SEMA4F: variants seen among roughly 807,000 people sequenced by gnomAD.
SEMA4F encodes semaphorin-4F.
Under a neutral mutation model 78.4 loss-of-function variants are expected in SEMA4F, and 51 were observed. That is an observed-to-expected ratio of 0.65 (90% CI 0.52 to 0.82). The LOEUF (loss-of-function observed/expected upper bound fraction) is 0.82. Ranked by LOEUF, SEMA4F falls within the 40% of genes least tolerant of loss-of-function variation. The pLI is 0.00. For missense variants in SEMA4F, 938 were observed against 1,014.4 expected, an observed-to-expected ratio of 0.92 and a Z score of 1.02; for synonymous variants, 418 against 408.7, an observed-to-expected ratio of 1.02 and a Z score of -0.27.
chr2:74,688,250 C>T (rs141748462), downstream of SEMA4F, among the ~76,000 whole-genome samples: 6 of 152,276 alleles, frequency 3.9e-5, no homozygotes, highest in African/African-American at 1.2e-4. Context: ...GATCAACTTC[C>T]GAGAACTGGG....
intron 5 of SEMA4F, among the ~76,000 whole-genome samples, chr2:74,667,532 T>G (rs985029640): frequency 6.6e-6 from 1 of 152,236 alleles, no homozygotes; most frequent in African/African-American, 2.4e-5. Context: ...TTAGTGAGGT[T>G]GAACAATTTT....
At chr2:74,662,592 A>G (rs909714510) in intron 4 of SEMA4F, 140 bp from the exon 5 acceptor site, 14 of 727,576 alleles carry the variant, frequency 1.9e-5, no homozygotes, top group Non-Finnish European at 3.3e-5. Context: ...GACTGGTAAT[A>G]TGGGGATGAT....
chr2:74,660,584 A>G (rs1268820060), intron 4 of SEMA4F, among the ~76,000 whole-genome samples: 1 of 152,270 alleles, frequency 6.6e-6, no homozygotes, highest in Non-Finnish European at 1.5e-5. Context: ...GACTAACACA[A>G]TGATGATACA....
intron 5 of SEMA4F, among the ~76,000 whole-genome samples, chr2:74,670,141 C>T (rs1485460038): frequency 6.6e-6 from 1 of 152,132 alleles, no homozygotes; most frequent in Non-Finnish European, 1.5e-5. Flanking sequence ...ATTTGCCAAA[C>T]AGTTGTATGG....
At chr2:74,659,370 G>A (rs138502001) in intron 4 of SEMA4F, among the ~76,000 whole-genome samples, 1 of 152,304 alleles carries the variant, frequency 6.6e-6, no homozygotes, top group Non-Finnish European at 1.5e-5. Context: ...GTTTCTCTGA[G>A]GTGGGACTCT....
chr2:74,675,721 A>G (rs1685240692), intron 11 of SEMA4F, 28 bp from the exon 12 acceptor site: 2 of 1,613,660 alleles, frequency 1.2e-6, no homozygotes, highest in Non-Finnish European at 1.7e-6. Context: ...GATCCAGTGT[A>G]TTCCCCTTCC....
chr2:74,678,980 TTC>T (rs1349999469), intron 12 of SEMA4F, among the ~76,000 whole-genome samples: 2 of 152,212 alleles, frequency 1.3e-5, no homozygotes, highest in African/African-American at 4.8e-5. Flanking sequence ...TCTTAGAAGA[TTC>T]TGTTTCTTTT....
the SEMA4F span, among the ~76,000 whole-genome samples, chr2:74,699,690 A>G: frequency 6.6e-5 from 10 of 152,318 alleles, no homozygotes; most frequent in African/African-American, 2.4e-4. Flanking sequence ...GGAGGAGCAT[A>G]CAAGAGACAT....
In SEMA4F at chr2:74,677,143, CCA is replaced by C. The variant is rs574878255; in HGVS notation, c.1643+1236_1643+1237del. ...TCTGGAACTCCTGACCTCAAGCAAT[CCA>C]CTTGCCTTGGCCTCCCAAAGTGCTG... On this transcript the variant is annotated intron_variant, in intron 12 of 13. Coordinates refer to ENST00000357877, the MANE Select transcript of SEMA4F (RefSeq NM_004263.5). Among the ~76,000 whole-genome samples the C allele has an allele frequency of 5.4e-3, 822 of 152,286 alleles. 9 individuals are homozygous for C. Among genetic ancestry groups the C allele is most frequent in the African/African-American group, 0.019 (798 of 41,550 alleles).
At position 74,658,755 on chromosome 2, in the gene SEMA4F, C is replaced by T. The variant is rs921408385; in HGVS notation, c.456+804C>T. 2.6e-4 allele frequency among the ~76,000 whole-genome samples: 39 copies of T among 152,224 alleles called. No individual in the cohort carries two copies. The highest frequency in any genetic ancestry group is 6.5e-4 in the African/African-American group (27 of 41,460). On this transcript the variant is annotated intron_variant, in intron 4 of 13. Coordinates refer to ENST00000357877, the MANE Select transcript of SEMA4F (RefSeq NM_004263.5). The surrounding 1 kb of genome is among the most constrained non-coding windows in gnomAD (Gnocchi z 4.3). ...GCTCACATTTGTGACAAGCCCCTGGCGTGAGTCAGAAGCCTCACATATCCT... is the reference window on the plus strand; with the variant it reads ...GCTCACATTTGTGACAAGCCCCTGGTGTGAGTCAGAAGCCTCACATATCCT...
intron 1 of SEMA4F, among the ~76,000 whole-genome samples, 190 bp downstream of exon 1, chr2:74,654,711 G>A (rs182738007): frequency 6.6e-6 from 1 of 151,786 alleles, no homozygotes; most frequent in African/African-American, 2.4e-5. Flanking sequence ...TCCCTCCCGC[G>A]CCCCTCAGCC....
At chr2:74,665,621 C>G (rs1350245255) in intron 5 of SEMA4F, among the ~76,000 whole-genome samples, 1 of 152,108 alleles carries the variant, frequency 6.6e-6, no homozygotes, top group Non-Finnish European at 1.5e-5. Flanking sequence ...TATATATTGA[C>G]TAAATACAAT....
At chr2:74,668,674 G>C (rs1684819818) in intron 5 of SEMA4F, among the ~76,000 whole-genome samples, 1 of 150,602 alleles carries the variant, frequency 6.6e-6, no homozygotes, top group Admixed American at 6.6e-5. Context: ...GCAGTGGCGT[G>C]ATCTTGGCTC....
At position 74,665,680 on chromosome 2, in the gene SEMA4F, C is replaced by T. The variant is rs182619772; in HGVS notation, c.550+2855C>T. The stretch of plus-strand genomic sequence containing the variant: ...TTATCTATTGTTGAAATTGATGAGA[C>T]CTTCCTTATACATGTTTGAATAAAA... On this transcript the variant is annotated intron_variant, in intron 5 of 13. Transcript: ENST00000357877. Among the ~76,000 whole-genome samples, 78 of 152,180 alleles carry T rather than the reference C, an allele frequency of 5.1e-4. 1 individual carries two copies. Among genetic ancestry groups the T allele is most frequent in the Non-Finnish European group, 6.0e-4 (41 of 68,010 alleles).
At chr2:74,709,106 G>A in the SEMA4F span, among the ~76,000 whole-genome samples, 1 of 152,128 alleles carries the variant, frequency 6.6e-6, no homozygotes, top group African/African-American at 2.4e-5. Flanking sequence ...CAGAGGTTGC[G>A]GTGAGCTGTG....
chr2:74,688,259 G>T (rs1398703984), downstream of SEMA4F, among the ~76,000 whole-genome samples: 1 of 152,028 alleles, frequency 6.6e-6, no homozygotes, highest in East Asian at 1.9e-4. Flanking sequence ...CCGAGAACTG[G>T]GTCTTGCCTT....
At chr2:74,697,628 C>T in the SEMA4F span, among the ~76,000 whole-genome samples, 4 of 152,182 alleles carry the variant, frequency 2.6e-5, 1 homozygote, top group South Asian at 6.2e-4. Context: ...GGGGTTGCCT[C>T]CTGCTGGGGA....
At chr2:74,701,223 C>G in the SEMA4F span, among the ~76,000 whole-genome samples, 7 of 151,914 alleles carry the variant, frequency 4.6e-5, no homozygotes, top group African/African-American at 1.7e-4. Flanking sequence ...GAGGTGATCA[C>G]TGGTTCACTG....
chr2:74,677,614 G>A (rs1412136299), intron 12 of SEMA4F, among the ~76,000 whole-genome samples: 1 of 152,152 alleles, frequency 6.6e-6, no homozygotes, highest in Non-Finnish European at 1.5e-5. Context: ...TTTAATTGTT[G>A]AGATCTTCCA....
Sources: gnomAD v4.1 joint callset for allele counts (sites outside exome capture counted in the v4.1 genomes callset) on GRCh38, gnomAD v4.1.1 for gene constraint, Gnocchi (gnomAD v3.1) non-coding constraint, MANE v1.5 for transcripts, NCBI Gene and HGNC (gene_info 2026-07-23, HGNC 2026-07-21) for gene names.